The following MCM6 variants were observed in gnomAD, a reference collection of about 807,000 sequenced individuals.
MCM6 encodes the protein minichromosome maintenance complex component 6.
In MCM6, 46 loss-of-function variants were observed where a neutral mutation model predicts 94.3. The observed-to-expected ratio is 0.49, with a 90% CI of 0.39 to 0.62. The LOEUF is 0.62. MCM6 is among the 20% of genes least tolerant of loss of function. The pLI is 0.00. For missense variants in MCM6, 865 were observed against 1,017.9 expected, an observed-to-expected ratio of 0.85 and a Z score of 2.04; for synonymous variants, 335 against 351.9, an observed-to-expected ratio of 0.95 and a Z score of 0.54.
In MCM6 at chr2:135,857,839, C is replaced by G. The variant is rs939206020; in HGVS notation, c.1470+58G>C. 6 of 1,406,798 alleles carry G rather than the reference C, an allele frequency of 4.3e-6. No homozygotes were observed. The African/African-American group carries it at 8.5e-5, about 20-fold the overall frequency. 87.1% of individuals were successfully genotyped at this position (1,406,798 alleles called of 1,614,324 possible). A position where few individuals can be genotyped will look rare whatever the true frequency, so the allele number is the denominator to read the frequency against. ...TTTATCCAGGTGAACTTCTCTAGTA[C>G]TACATTAATCAACAAGGCTATGGAC... On this transcript the variant is annotated intron_variant, in intron 10 of 16. Transcript: ENST00000264156.
intron 8 of MCM6, among the ~76,000 whole-genome samples, chr2:135,860,221 C>T (rs1229107146): frequency 1.3e-5 from 2 of 152,142 alleles, no homozygotes; most frequent in Admixed American, 1.3e-4. Flanking sequence ...CAAGCTCTGC[C>T]TACTGGGTTC....
At chr2:135,849,989 G>A (rs527909057) in intron 13 of MCM6, among the ~76,000 whole-genome samples, 2 of 152,100 alleles carry the variant, frequency 1.3e-5, no homozygotes, top group African/African-American at 2.4e-5. Flanking sequence ...AATATCATGT[G>A]AATCTGCTAT....
At chr2:135,862,174 A>C (rs4988191) in intron 8 of MCM6, among the ~76,000 whole-genome samples, 9,973 of 152,124 alleles carry the variant, frequency 0.066, 598 homozygotes, top group African/African-American at 0.16. Context: ...CCATGCGAAA[A>C]GAAACATGGA....
intron 16 of MCM6, among the ~76,000 whole-genome samples, chr2:135,843,975 G>A (rs1679628093): frequency 6.6e-6 from 1 of 152,066 alleles, no homozygotes; most frequent in African/African-American, 2.4e-5. Context: ...CCCGGGAAAA[G>A]GAATTGCACT....
chr2:135,845,677 A>G (rs771482042), intron 15 of MCM6, among the ~76,000 whole-genome samples: 25 of 152,232 alleles, frequency 1.6e-4, no homozygotes, highest in Non-Finnish European at 3.4e-4. Context: ...TCTTGAATTC[A>G]TCATTTTTCC....
rs76734060 is a variant in MCM6 at position 135,869,510 on chromosome 2, C to T, written c.366-650G>A. 8.6e-3 allele frequency among the ~76,000 whole-genome samples: 1,299 copies of T among 151,518 alleles called. 94 individuals are homozygous for T. In the East Asian group the frequency reaches 0.18, roughly 21 times the overall value. ...AAAAAGCATGTGTTACATAATAATC[C>T]TATCATGAGAAAAAATTTTGTACTC... On this transcript the variant is annotated intron_variant, in intron 3 of 16. Coordinates refer to ENST00000264156, the MANE Select transcript of MCM6 (RefSeq NM_005915.6).
In MCM6 at chr2:135,840,805, C is replaced by A; in HGVS notation, c.*30G>T. 6.7e-7 allele frequency: 1 copy of A among 1,499,908 alleles called. No individual in the cohort carries two copies. The highest frequency in any genetic ancestry group is 9.3e-7 in the Non-Finnish European group (1 of 1,076,284). The allele number at this position is 1,499,908 out of a possible 1,614,324, so 92.9% of individuals were successfully genotyped here. On this transcript the variant is annotated 3_prime_UTR_variant, in exon 17 of 17. Transcript: ENST00000264156. ...GGCCACGAGGTGCTGTGCCACAGTT[C>A]CTCAGCTCTGGTCAGTTACTTTCAC...
At position 135,848,045 on chromosome 2, in the gene MCM6, T is replaced by C. The variant is rs761485806; in HGVS notation, c.2053+8A>G. On this transcript the variant is annotated splice_region_variant and intron_variant, in intron 14 of 16. Transcript: ENST00000264156. ...ACTCCAAAACAGTCACATGAACAAGTATCTCACCATTGATGCCACCAGCAC... is the reference window on the plus strand; with the variant it reads ...ACTCCAAAACAGTCACATGAACAAGCATCTCACCATTGATGCCACCAGCAC... The C allele has an allele frequency of 9.4e-6, 15 of 1,602,600 alleles. No individual in the cohort carries two copies. The highest frequency in any genetic ancestry group is 1.3e-5 in the African/African-American group (1 of 74,872).
chr2:135,858,295 T>C (rs1009190452), intron 9 of MCM6, among the ~76,000 whole-genome samples: 1 of 152,162 alleles, frequency 6.6e-6, no homozygotes, highest in Non-Finnish European at 1.5e-5. Flanking sequence ...GAGACCAGCC[T>C]GGCCAACATG....
intron 4 of MCM6, among the ~76,000 whole-genome samples, 196 bp from the exon 5 acceptor site, chr2:135,866,924 A>G (rs149022525): frequency 1.4e-3 from 206 of 152,300 alleles, no homozygotes; most frequent in African/African-American, 4.6e-3. Flanking sequence ...CAATTTGGCA[A>G]GAGATTACAT....
In MCM6 at chr2:135,859,451, G is replaced by C. The variant is rs1286235104; in HGVS notation, c.1221-9C>G. 6.2e-7 allele frequency: 1 copy of C among 1,600,308 alleles called. No homozygotes were observed. The highest frequency in any genetic ancestry group is 1.3e-5 in the African/African-American group (1 of 74,136). Reference sequence around the variant, plus strand: ...TGAACTCCTCCACGTGCCTGTTCAAGGTTATCACATAAAGACTCATTAATA... The same window carrying C: ...TGAACTCCTCCACGTGCCTGTTCAACGTTATCACATAAAGACTCATTAATA... On this transcript the variant is annotated splice_polypyrimidine_tract_variant and intron_variant, in intron 8 of 16. Coordinates refer to ENST00000264156, the MANE Select transcript of MCM6 (RefSeq NM_005915.6).
intron 11 of MCM6, 81 bp from the exon 12 acceptor site, chr2:135,852,996 T>G: frequency 2.3e-6 from 3 of 1,319,260 alleles, no homozygotes; most frequent in Non-Finnish European, 3.1e-6. Flanking sequence ...AAATGATTTA[T>G]CGCCAAAAAC....
chr2:135,851,325 T>C lies in MCM6; in HGVS notation c.1917+77A>G, dbSNP rs921305082. On this transcript the variant is annotated intron_variant, in intron 13 of 16. Transcript: ENST00000264156. ...AATGTATTTGCAGTGAATTCTAGTA[T>C]GTCCCATACCAAAGATTAAAAACAT... The C allele has an allele frequency of 1.1e-5, 13 of 1,135,560 alleles. No homozygotes were observed. The African/African-American group carries it at 2.0e-4, about 17-fold the overall frequency. The allele number at this position is 1,135,560 out of a possible 1,614,324, so 70.3% of individuals were successfully genotyped here. A position where few individuals can be genotyped will look rare whatever the true frequency, so the allele number is the denominator to read the frequency against.
At chr2:135,849,996 C>T (rs1254252297) in intron 13 of MCM6, among the ~76,000 whole-genome samples, 2 of 151,836 alleles carry the variant, frequency 1.3e-5, no homozygotes, top group African/African-American at 4.8e-5. Context: ...TGTGAATCTG[C>T]TATTTGAAGA....
chr2:135,868,824 G>T lies in MCM6; in HGVS notation c.402C>A (p.Leu134=). ...GCACCACCTGCCCACTGATGCGAGTGAGCAAACCAATTCTGGATGAGGTGA... is the reference window on the plus strand; with the variant it reads ...GCACCACCTGCCCACTGATGCGAGTTAGCAAACCAATTCTGGATGAGGTGA... The part of the protein sequence containing the change: ...RELTSSRIGL[L]TRISGQVVRT... The change falls in exon 4 of 17, where the codon CTC becomes CTA. Residue 134 remains leucine (L), a synonymous_variant. Coordinates refer to ENST00000264156, the MANE Select transcript of MCM6 (RefSeq NM_005915.6). 1 of 1,614,134 alleles carries T rather than the reference G, an allele frequency of 6.2e-7. No homozygotes were observed. The highest frequency in any genetic ancestry group is 1.1e-5 in the South Asian group (1 of 91,088).
chr2:135,847,841 C>T lies in MCM6; in HGVS notation c.2053+212G>A, dbSNP rs4988255. ...CCTCCCAAAGTGCTGGAATTATAGGCGAGAGCCACCGTGCCCAGCCAAGTA... is the reference window on the plus strand; with the variant it reads ...CCTCCCAAAGTGCTGGAATTATAGGTGAGAGCCACCGTGCCCAGCCAAGTA... On this transcript the variant is annotated intron_variant, in intron 14 of 16. Coordinates refer to ENST00000264156, the MANE Select transcript of MCM6 (RefSeq NM_005915.6). Among the ~76,000 whole-genome samples, 1,098 of 152,304 alleles carry T rather than the reference C, an allele frequency of 7.2e-3. 12 individuals carry two copies. Among genetic ancestry groups the T allele is most frequent in the African/African-American group, 0.025 (1,040 of 41,556 alleles).
In MCM6 at chr2:135,858,063, A is replaced by G. The variant is rs778455691; in HGVS notation, c.1363-59T>C. ...CTTTCAAGCTGGATGCATGGCTCACACTTGTAATCCCAGCACTTTGGGAGG... is the reference window on the plus strand; with the variant it reads ...CTTTCAAGCTGGATGCATGGCTCACGCTTGTAATCCCAGCACTTTGGGAGG... On this transcript the variant is annotated intron_variant, in intron 9 of 16. Transcript: ENST00000264156. 7.9e-4 allele frequency: 1,171 copies of G among 1,478,824 alleles called. 5 individuals carry two copies. The highest frequency in any genetic ancestry group is 4.5e-3 in the Middle Eastern group (19 of 4,266). The allele number at this position is 1,478,824 out of a possible 1,614,324, so 91.6% of individuals were successfully genotyped here. A position where few individuals can be genotyped will look rare whatever the true frequency, so the allele number is the denominator to read the frequency against.
chr2:135,861,333 T>C (rs901295122), intron 8 of MCM6, among the ~76,000 whole-genome samples: 1 of 152,056 alleles, frequency 6.6e-6, no homozygotes, highest in Non-Finnish European at 1.5e-5. Context: ...GCAAATTTCT[T>C]GTAGGCTTGG....
rs138523007 is a variant in MCM6, at chr2:135,859,394, C to T, written c.1269G>A (p.Ala423=). ...CTGCTGTTAAGCCAGCAGCACTGGA[C>T]GCTTTACCACTGGTGTAGACAGCTC... ...SPRAVYTSGK[A]SSAAGLTAAV... is the part of the protein sequence containing the mutation. Residue 423 remains alanine, a synonymous_variant, in exon 9 of 17, where the codon GCG becomes GCA. Coordinates refer to ENST00000264156, the MANE Select transcript of MCM6 (RefSeq NM_005915.6). 295 of 1,613,000 alleles carry T rather than the reference C, an allele frequency of 1.8e-4. 2 individuals carry two copies. Among genetic ancestry groups the T allele is most frequent in the Middle Eastern group, 3.3e-4 (2 of 6,058 alleles).
Sources: gnomAD v4.1 joint callset for allele counts (sites outside exome capture counted in the v4.1 genomes callset) on GRCh38, gnomAD v4.1.1 for gene constraint, MANE v1.5 for transcripts, NCBI Gene and HGNC (gene_info 2026-07-23, HGNC 2026-07-21) for gene names.